Variants in SEMA3D observed in about 807,000 individuals in gnomAD.
The protein encoded by SEMA3D is semaphorin 3D, also known as semaphorin-3D.
In SEMA3D, 84 loss-of-function variants were observed where a neutral mutation model predicts 100.1. That is an observed-to-expected ratio of 0.84 (90% confidence interval 0.70 to 1.01). The LOEUF is 1.01. Among genes scored for constraint, SEMA3D ranks in the 50% least tolerant of loss-of-function variants. SEMA3D has a pLI of 0.00. For missense variants in SEMA3D, 875 were observed against 934.1 expected, an observed-to-expected ratio of 0.94 and a Z score of 0.82; for synonymous variants, 312 against 320.7, an observed-to-expected ratio of 0.97 and a Z score of 0.29.
rs1554352317 is a variant in SEMA3D, at chr7:85,181,347, C to CACACACACACAA, written c.-173+5330_-173+5331insTTGTGTGTGTGT. On this transcript the variant is annotated intron_variant, in intron 1 of 18. Transcript: ENST00000284136. ...ACACACACACACACACACACACACA[C>CACACACACACAA]ACACACACACACACATGCACTGCTA... 7.1e-3 allele frequency among the ~76,000 whole-genome samples: 1,033 copies of CACACACACACAA among 146,228 alleles called. 6 individuals carry two copies. Among genetic ancestry groups the CACACACACACAA allele is most frequent in the African/African-American group, 0.015 (572 of 37,334 alleles).
chr7:85,187,089 C>G (rs1441916393), upstream of SEMA3D, among the ~76,000 whole-genome samples: 1 of 152,142 alleles, frequency 6.6e-6, no homozygotes, highest in Non-Finnish European at 1.5e-5. Context: ...CGGGGATTAC[C>G]TTTCCCCTTC....
At chr7:85,232,544 T>C in the SEMA3D span, among the ~76,000 whole-genome samples, 1 of 152,346 alleles carries the variant, frequency 6.6e-6, no homozygotes, top group Non-Finnish European at 1.5e-5. Flanking sequence ...ACAAGCATCA[T>C]TAGCTTGTGA....
At chr7:85,076,195 A>G (rs971984485) in intron 5 of SEMA3D, among the ~76,000 whole-genome samples, 14 of 152,086 alleles carry the variant, frequency 9.2e-5, no homozygotes, top group Non-Finnish European at 1.6e-4. Flanking sequence ...TCCTTCCTTT[A>G]TTCCTCCTAC....
At position 85,152,803 on chromosome 7, in the gene SEMA3D, A is replaced by G. The variant is rs146368048; in HGVS notation, c.-41+805T>C. ...TGTATTTTGTTATTCTATACAACAAATAAAATAGTAGAAGGGACTACCATA... is the reference window on the plus strand; with the variant it reads ...TGTATTTTGTTATTCTATACAACAAGTAAAATAGTAGAAGGGACTACCATA... On this transcript the variant is annotated intron_variant, in intron 2 of 18. Transcript: ENST00000284136. Among the ~76,000 whole-genome samples, 407 of 152,258 alleles carry G rather than the reference A, an allele frequency of 2.7e-3. 1 individual carries two copies. The highest frequency in any genetic ancestry group is 3.7e-3 in the Non-Finnish European group (250 of 68,004).
the SEMA3D span, among the ~76,000 whole-genome samples, chr7:85,241,049 A>G: frequency 6.6e-6 from 1 of 152,166 alleles, no homozygotes; most frequent in Admixed American, 6.6e-5. Context: ...CAAATGGCCA[A>G]CAGACATATG....
chr7:85,046,023 T>G (rs191671267), intron 9 of SEMA3D, among the ~76,000 whole-genome samples: 4 of 152,036 alleles, frequency 2.6e-5, no homozygotes, highest in Admixed American at 2.6e-4. Context: ...TAATGTTGAT[T>G]CAATAAATAT....
chr7:85,087,955 ATAGTT>A (rs1788274355), intron 4 of SEMA3D, among the ~76,000 whole-genome samples: 1 of 152,202 alleles, frequency 6.6e-6, no homozygotes. Flanking sequence ...GCATAAAGTT[ATAGTT>A]TAAACATATT....
chr7:85,180,154 G>A (rs1318993484), intron 1 of SEMA3D, among the ~76,000 whole-genome samples: 1 of 152,168 alleles, frequency 6.6e-6, no homozygotes, highest in East Asian at 1.9e-4. Flanking sequence ...CTATGTGTTG[G>A]GAGAGGGACC....
At chr7:85,169,044 G>C (rs1791012068) in intron 1 of SEMA3D, among the ~76,000 whole-genome samples, 1 of 151,208 alleles carries the variant, frequency 6.6e-6, no homozygotes, top group South Asian at 2.1e-4. Context: ...AGATAAATTA[G>C]ATAAAAAATA....
At chr7:85,068,091 G>A in intron 7 of SEMA3D, 100 bp downstream of exon 7, 2 of 712,784 alleles carry the variant, frequency 2.8e-6, no homozygotes, top group South Asian at 1.7e-5. Context: ...TGGAAGATTA[G>A]TAAAAAATTA....
intron 8 of SEMA3D, among the ~76,000 whole-genome samples, chr7:85,064,475 C>A (rs1480764308): frequency 6.6e-6 from 1 of 152,102 alleles, no homozygotes; most frequent in East Asian, 1.9e-4. Flanking sequence ...ACAAATAGAT[C>A]TGGAGTTTTT....
the SEMA3D span, among the ~76,000 whole-genome samples, chr7:85,241,398 C>G: frequency 5.4e-5 from 8 of 148,210 alleles, no homozygotes; most frequent in Admixed American, 5.5e-4. Context: ...GCACAGTTCA[C>G]AATTGCAAAA....
At chr7:85,069,893 A>G (rs552491849) in intron 6 of SEMA3D, among the ~76,000 whole-genome samples, 40 of 152,298 alleles carry the variant, frequency 2.6e-4, no homozygotes, top group Admixed American at 5.2e-4. Flanking sequence ...GAAATATGTA[A>G]AATATACATA....
intron 9 of SEMA3D, among the ~76,000 whole-genome samples, chr7:85,044,330 C>A (rs1311270018): frequency 2.0e-5 from 3 of 151,972 alleles, no homozygotes; most frequent in African/African-American, 7.2e-5. Flanking sequence ...CACCTAACAC[C>A]AAGGGCATCT....
At chr7:85,097,776 T>A in intron 4 of SEMA3D, 29 bp downstream of exon 4, 1 of 1,349,940 alleles carries the variant, frequency 7.4e-7, no homozygotes, top group East Asian at 2.4e-5. Flanking sequence ...TAAATGAATT[T>A]AACCAAATGT....
At chr7:85,026,961 T>G (rs780740922) in intron 12 of SEMA3D, among the ~76,000 whole-genome samples, 6 of 152,032 alleles carry the variant, frequency 3.9e-5, no homozygotes, top group Non-Finnish European at 7.4e-5. Flanking sequence ...TAAGCAATAT[T>G]CCAGTTCTAG....
At chr7:85,208,882 T>C in the SEMA3D span, among the ~76,000 whole-genome samples, 1 of 152,030 alleles carries the variant, frequency 6.6e-6, no homozygotes. Context: ...ATATGTTCAT[T>C]GAAAGAGGGT....
the SEMA3D span, among the ~76,000 whole-genome samples, chr7:85,241,467 GTATATATATATATA>G: frequency 3.3e-5 from 3 of 92,002 alleles, no homozygotes; most frequent in African/African-American, 1.7e-4. Flanking sequence ...CTGTGTGTGT[GTATATATATATATA>G]TATATATATA....
intron 4 of SEMA3D, among the ~76,000 whole-genome samples, chr7:85,088,684 C>T (rs1788293385): frequency 6.6e-6 from 1 of 152,042 alleles, no homozygotes; most frequent in Admixed American, 6.6e-5. Context: ...ATTGGCCTGG[C>T]CTAGATAGAA....
Sources: allele counts gnomAD v4.1 joint callset (sites outside exome capture counted in the v4.1 genomes callset), GRCh38; gene constraint gnomAD v4.1.1; transcripts MANE v1.5; gene names NCBI Gene and HGNC (gene_info 2026-07-23, HGNC 2026-07-21).